SH3GL3: variants seen among roughly 807,000 people sequenced by gnomAD.
SH3GL3 encodes the protein SH3 domain containing GRB2 like 3, endophilin A3.
A neutral mutation model predicts 47.7 loss-of-function variants in SH3GL3; 33 were observed. That is an observed-to-expected ratio of 0.69 (90% confidence interval 0.52 to 0.92). SH3GL3 has a LOEUF of 0.92. Ranked by LOEUF, SH3GL3 falls within the 40% of genes least tolerant of loss-of-function variation. SH3GL3 has a pLI of 0.00. For synonymous variants in SH3GL3, 155 were observed against 148.8 expected (o/e 1.04, Z -0.30); for missense variants, 363 against 417.8 (o/e 0.87, Z 1.14).
At position 83,508,610 on chromosome 15, in the gene SH3GL3, G is replaced by A. The variant is rs564604861; in HGVS notation, c.46-50643G>A. ...TTTTTTTCTTTTGAGATGGAGTCTC[G>A]CTCTGTTGCCAGGCTGGAGTGCAGT... On this transcript the variant is annotated intron_variant, in intron 1 of 8. Transcript: ENST00000427482. Among the ~76,000 whole-genome samples the A allele has an allele frequency of 4.6e-5, 7 of 151,932 alleles. No individual in the cohort carries two copies. The South Asian group carries it at 6.2e-4, about 14-fold the overall frequency.
At chr15:83,456,905 T>G (rs1382448717) in intron 1 of SH3GL3, among the ~76,000 whole-genome samples, 2 of 152,248 alleles carry the variant, frequency 1.3e-5, no homozygotes, top group Non-Finnish European at 2.9e-5. Flanking sequence ...GATAGAGCTG[T>G]TTACTCTTCT....
Position 83,447,470 on chromosome 15 carries a change from G to T in SH3GL3, c.-64G>T. 1 of 1,392,212 alleles carries T rather than the reference G, an allele frequency of 7.2e-7. No homozygotes were observed. The highest frequency in any genetic ancestry group is 1.5e-5 in the African/African-American group (1 of 66,596). 86.2% of individuals were successfully genotyped at this position (1,392,212 alleles called of 1,614,324 possible). ...CGGCCCGGGCTCCCGCTCCCCGAGC[G>T]CGTCGCGGCCGCGTGGCCCAGCCGA... is the stretch of plus-strand genomic sequence containing the variant. On this transcript the variant is annotated 5_prime_UTR_variant, in exon 1 of 9. Coordinates refer to ENST00000427482, the MANE Select transcript of SH3GL3 (RefSeq NM_003027.5). The surrounding 1 kb of genome is among the most constrained non-coding windows in gnomAD (Gnocchi z 5.1).
intron 1 of SH3GL3, among the ~76,000 whole-genome samples, chr15:83,470,322 T>TCAAGTGATTCTCCTGCCTC (rs771578228): frequency 1.3e-5 from 2 of 152,206 alleles, no homozygotes; most frequent in Non-Finnish European, 2.9e-5. Flanking sequence ...CCTCCTGGGT[T>TCAAGTGATTCTCCTGCCTC]CAAGTGATTC....
intron 1 of SH3GL3, among the ~76,000 whole-genome samples, chr15:83,539,107 G>T (rs961400282): frequency 2.6e-5 from 4 of 152,124 alleles, no homozygotes; most frequent in African/African-American, 7.2e-5. Flanking sequence ...GTATTTCCAC[G>T]ATTATAATTA....
intron 1 of SH3GL3, among the ~76,000 whole-genome samples, chr15:83,479,394 C>T (rs2041242193): frequency 6.6e-6 from 1 of 151,960 alleles, no homozygotes; most frequent in Non-Finnish European, 1.5e-5. Context: ...GGAAAACTAG[C>T]TGGTGAGTAG....
chr15:83,484,635 A>G (rs532818736), intron 1 of SH3GL3, among the ~76,000 whole-genome samples: 23 of 151,950 alleles, frequency 1.5e-4, no homozygotes, highest in Non-Finnish European at 2.9e-4. Context: ...ACATTTGGCA[A>G]TCTAATCTAG....
chr15:83,570,520 A>G (rs1246605278), intron 4 of SH3GL3, among the ~76,000 whole-genome samples: 1 of 152,214 alleles, frequency 6.6e-6, no homozygotes, highest in South Asian at 2.1e-4. Flanking sequence ...TATTTAAAAA[A>G]GTCATTAAAT....
At chr15:83,604,576 C>T (rs2585054) in intron 8 of SH3GL3, among the ~76,000 whole-genome samples, 17,823 of 152,174 alleles carry the variant, frequency 0.12, 1,418 homozygotes, top group Admixed American at 0.24. Flanking sequence ...TCATTTCATC[C>T]TCATAACCGT....
intron 4 of SH3GL3, among the ~76,000 whole-genome samples, chr15:83,570,386 T>C (rs2045758061): frequency 6.6e-6 from 1 of 152,198 alleles, no homozygotes; most frequent in East Asian, 1.9e-4. Context: ...CATATTGTTT[T>C]AAGTATTGAA....
At chr15:83,508,326 T>A (rs1410000818) in intron 1 of SH3GL3, among the ~76,000 whole-genome samples, 1 of 152,052 alleles carries the variant, frequency 6.6e-6, no homozygotes, top group African/African-American at 2.4e-5. Flanking sequence ...GGACGCCGGC[T>A]ATGTAGATAT....
chr15:83,603,126 A>C (rs1346378026), intron 8 of SH3GL3, among the ~76,000 whole-genome samples: 1 of 151,958 alleles, frequency 6.6e-6, no homozygotes. Flanking sequence ...CACTCTCCTA[A>C]GTAGCTGAGA....
At chr15:83,607,441 A>T (rs1010998307) in intron 8 of SH3GL3, among the ~76,000 whole-genome samples, 64 of 152,276 alleles carry the variant, frequency 4.2e-4, no homozygotes, top group African/African-American at 1.5e-3. Context: ...GGAATGAGAG[A>T]CATAGGAAAA....
rs35606421 is a variant in SH3GL3, at chr15:83,611,244, G to GTCTCTC, written c.839-6822_839-6817dup. On this transcript the variant is annotated intron_variant, in intron 8 of 8. Transcript: ENST00000427482. The stretch of plus-strand genomic sequence containing the variant: ...AGCCGTCTTAAACTCTTGTGGTAGG[G>GTCTCTC]TCTCTCTCTCTCTCTCTCTCTTTCT... Among the ~76,000 whole-genome samples the GTCTCTC allele has an allele frequency of 5.3e-3, 786 of 149,336 alleles. 5 individuals carry two copies. The highest frequency in any genetic ancestry group is 0.011 in the Admixed American group (168 of 14,970).
At position 83,529,504 on chromosome 15, in the gene SH3GL3, TG is replaced by T. The variant is rs1463901646; in HGVS notation, c.46-29747del. Among the ~76,000 whole-genome samples, 13 of 151,936 alleles carry T rather than the reference TG, an allele frequency of 8.6e-5. 1 individual carries two copies. Among genetic ancestry groups the T allele is most frequent in the Admixed American group, 8.5e-4 (13 of 15,256 alleles). Reference sequence around the variant, plus strand: ...CCCAGGAGTACAAAGATACCAGTGGTGGTGGACTGGGTAGAGTGATCCGCAG... The same window carrying T: ...CCCAGGAGTACAAAGATACCAGTGGTGTGGACTGGGTAGAGTGATCCGCAG... On this transcript the variant is annotated intron_variant, in intron 1 of 8. Transcript: ENST00000427482.
Position 83,546,824 on chromosome 15 carries a change from A to G in SH3GL3, c.46-12429A>G, listed in dbSNP as rs144611129. Among the ~76,000 whole-genome samples the G allele has an allele frequency of 4.2e-3, 642 of 152,254 alleles. 5 individuals are homozygous for G. Among genetic ancestry groups the G allele is most frequent in the African/African-American group, 0.015 (621 of 41,544 alleles). ...GGGTAGAGTTCTTTTCTGGACCAGGATGGGTCTAGAAATGTTGTCTGGAAG... is the reference window on the plus strand; with the variant it reads ...GGGTAGAGTTCTTTTCTGGACCAGGGTGGGTCTAGAAATGTTGTCTGGAAG... On this transcript the variant is annotated intron_variant, in intron 1 of 8. Transcript: ENST00000427482.
chr15:83,568,592 C>T lies in SH3GL3; in HGVS notation c.251C>T (p.Thr84Ile). 1 of 1,613,238 alleles carries T rather than the reference C, an allele frequency of 6.2e-7. No individual in the cohort carries two copies. Residue 84 changes from threonine (T) to isoleucine (I), a missense_variant, in exon 4 of 9, where the codon ACA becomes ATA. Physicochemically the swap from Thr to Ile is moderately conservative, Grantham distance 89. Coordinates refer to ENST00000427482, the MANE Select transcript of SH3GL3 (RefSeq NM_003027.5). ...AAGATCCGAGGGCAGGTGAAGACCA[C>T]AGGATACCCGCAGACGGAAGGCTTG... ...VSKIRGQVKT[T>I]GYPQTEGLLG... is the part of the protein sequence containing the mutation.
chr15:83,458,837 T>C (rs1454638404), intron 1 of SH3GL3, among the ~76,000 whole-genome samples: 4 of 152,244 alleles, frequency 2.6e-5, no homozygotes, highest in African/African-American at 9.6e-5. Context: ...AAGGGTGTAT[T>C]AGTCAGGGTT....
intron 8 of SH3GL3, among the ~76,000 whole-genome samples, chr15:83,602,490 C>T (rs2060412264): frequency 6.6e-6 from 1 of 152,154 alleles, no homozygotes; most frequent in Admixed American, 6.5e-5. Flanking sequence ...AACAAGCTCC[C>T]ACAGGTCCCT....
chr15:83,598,290 C>G (rs1408165104), intron 8 of SH3GL3, among the ~76,000 whole-genome samples: 2 of 152,158 alleles, frequency 1.3e-5, no homozygotes, highest in Admixed American at 1.3e-4. Context: ...AGCCAGCTTT[C>G]AGGATCCACT....
Sources: allele counts gnomAD v4.1 joint callset (sites outside exome capture counted in the v4.1 genomes callset), GRCh38; gene constraint gnomAD v4.1.1; non-coding constraint Gnocchi (gnomAD v3.1); transcripts MANE v1.5; gene names NCBI Gene and HGNC (gene_info 2026-07-23, HGNC 2026-07-21).